Variants in KANK1 observed in about 807,000 individuals in gnomAD.
KANK1 encodes the protein KN motif and ankyrin repeat domains 1, also known as KN motif and ankyrin repeat domain-containing protein 1.
Under a neutral mutation model 106.2 loss-of-function variants are expected in KANK1, and 109 were observed. The observed-to-expected ratio is 1.03, with a 90% CI of 0.88 to 1.20. The LOEUF is 1.20. Ranked by LOEUF, KANK1 falls within the 50% of genes most tolerant of loss-of-function variation. The pLI, the probability that KANK1 is intolerant of heterozygous loss-of-function variation, is 0.00. For missense variants in KANK1, 2,399 were observed against 1,710.7 expected (o/e 1.40, Z -7.10); for synonymous variants, 873 against 652.2 (o/e 1.34, Z -5.16).
chr9:473,733 C>G (rs994314039), intron 3 of KANK1, among the ~76,000 whole-genome samples: 1 of 150,970 alleles, frequency 6.6e-6, no homozygotes, highest in African/African-American at 2.4e-5. Flanking sequence ...CAGAGTCTCT[C>G]TCTGTCACCA....
upstream of KANK1, among the ~76,000 whole-genome samples, chr9:504,353 C>A (rs2058628790): frequency 1.3e-5 from 2 of 151,528 alleles, no homozygotes; most frequent in African/African-American, 4.9e-5. Context: ...GCGGGCCAGG[C>A]GCGGCGACGA....
At chr9:518,812 C>T (rs2059415963) in intron 1 of KANK1, among the ~76,000 whole-genome samples, 1 of 151,620 alleles carries the variant, frequency 6.6e-6, no homozygotes, top group South Asian at 2.1e-4. Flanking sequence ...AGGGTAGAGG[C>T]AGGCTCAGGG....
chr9:692,645 T>C (rs1820255387), intron 2 of KANK1, among the ~76,000 whole-genome samples: 1 of 151,362 alleles, frequency 6.6e-6, no homozygotes, highest in African/African-American at 2.4e-5. Context: ...AACATACCCA[T>C]AACACTAAAA....
chr9:609,477 A>C (rs1054473972), intron 1 of KANK1, among the ~76,000 whole-genome samples: 4 of 152,010 alleles, frequency 2.6e-5, no homozygotes, highest in African/African-American at 7.3e-5. Flanking sequence ...AAAATACAAA[A>C]AATTAGCTGG....
intron 1 of KANK1, among the ~76,000 whole-genome samples, chr9:539,008 G>C (rs2060449535): frequency 6.6e-6 from 1 of 152,096 alleles, no homozygotes; most frequent in South Asian, 2.1e-4. Context: ...AGCCTCCCGA[G>C]TAGCTGGGAT....
intron 1 of KANK1, among the ~76,000 whole-genome samples, chr9:619,747 A>G (rs1832697214): frequency 1.3e-5 from 2 of 152,218 alleles, no homozygotes; most frequent in Non-Finnish European, 2.9e-5. Context: ...ATGTTGAAAC[A>G]TTAAAATATT....
At chr9:628,018 G>C (rs974962901) in intron 1 of KANK1, among the ~76,000 whole-genome samples, 1 of 152,078 alleles carries the variant, frequency 6.6e-6, no homozygotes, top group Non-Finnish European at 1.5e-5. Context: ...AGAATAACAA[G>C]TATAATTTTA....
At chr9:677,347 T>C (rs893814458) in intron 2 of KANK1, among the ~76,000 whole-genome samples, 1 of 152,190 alleles carries the variant, frequency 6.6e-6, no homozygotes. Context: ...GAGAGGAAAT[T>C]AGTTTGGATG....
intron 3 of KANK1, among the ~76,000 whole-genome samples, chr9:499,617 G>A (rs972001656): frequency 6.6e-6 from 1 of 152,142 alleles, no homozygotes; most frequent in Non-Finnish European, 1.5e-5. Context: ...CCAGGGAAGA[G>A]GACTCTGGAA....
chr9:591,565 T>C (rs1672064078), intron 1 of KANK1, among the ~76,000 whole-genome samples: 1 of 151,950 alleles, frequency 6.6e-6, no homozygotes, highest in East Asian at 1.9e-4. Flanking sequence ...TATGCCAACC[T>C]CCTTCCTGTC....
At chr9:596,863 A>T (rs1011188311) in intron 1 of KANK1, among the ~76,000 whole-genome samples, 5 of 151,868 alleles carry the variant, frequency 3.3e-5, no homozygotes, top group Admixed American at 1.3e-4. Context: ...TTGTCACTAC[A>T]AAAGAAAACC....
At position 712,017 on chromosome 9, in the gene KANK1, A is replaced by G; in HGVS notation, c.1251A>G (p.Arg417=). ...TGAACGACATCGTCGTGTACCACAG[A>G]GGCTCCAGGTCCTGTAAGGATGCAG... ...ENMNDIVVYH[R]GSRSCKDAAV... is the part of the protein sequence containing the mutation. The change falls in exon 3 of 12, where the codon AGA becomes AGG. Residue 417 remains arginine (R), a synonymous_variant. Coordinates refer to ENST00000382297, the MANE Select transcript of KANK1 (RefSeq NM_015158.5). The G allele has an allele frequency of 6.2e-7, 1 of 1,614,118 alleles. No individual in the cohort carries two copies. The highest frequency in any genetic ancestry group is 8.5e-7 in the Non-Finnish European group (1 of 1,180,030).
At position 515,270 on chromosome 9, in the gene KANK1, A is replaced by G. The variant is rs376780070; in HGVS notation, c.-84+10516A>G. ...TGAGGCAGGAGAATGGCGTGAACCC[A>G]GGAGGCGGAGCTTGCAGTGAGCCGA... On this transcript the variant is annotated intron_variant, in intron 1 of 11. Transcript: ENST00000382297. 3.9e-3 allele frequency among the ~76,000 whole-genome samples: 589 copies of G among 150,962 alleles called. 2 individuals are homozygous for G. The highest frequency in any genetic ancestry group is 5.9e-3 in the Non-Finnish European group (401 of 67,896).
rs2060746800 is a variant in KANK1, at chr9:543,613, T to TG, written c.-84+38860dup. On this transcript the variant is annotated intron_variant, in intron 1 of 11. Transcript: ENST00000382297. The stretch of plus-strand genomic sequence containing the variant: ...CCGCAAGCTTCAGAAGACACACTAC[T>TG]GCGTGTTTGTCCTTCTACGGAAGTC... Among the ~76,000 whole-genome samples the TG allele has an allele frequency of 2.0e-5, 3 of 151,566 alleles. No individual in the cohort carries two copies. In the South Asian group the frequency reaches 6.3e-4, roughly 32 times the overall value.
chr9:506,964 G>C (rs1401549729), intron 1 of KANK1, among the ~76,000 whole-genome samples: 2 of 152,136 alleles, frequency 1.3e-5, no homozygotes, highest in Non-Finnish European at 2.9e-5. Context: ...CTTTTTGTTG[G>C]ATAATGTGTG....
At position 712,892 on chromosome 9, in the gene KANK1, C is replaced by A; in HGVS notation, c.2126C>A (p.Thr709Asn). ...CLSTLDKQTS[T>N]QTVETRTVAV... ...AGCACTTTGGACAAGCAGACCAGCA[C>A]CCAGACTGTGGAGACGCGGACAGTA... The change falls in exon 3 of 12, where the codon ACC becomes AAC. Residue 709 changes from threonine to asparagine, a missense_variant. Transcript: ENST00000382297. 6.2e-7 allele frequency: 1 copy of A among 1,613,992 alleles called. No individual in the cohort carries two copies. The highest frequency in any genetic ancestry group is 8.5e-7 in the Non-Finnish European group (1 of 1,180,014).
intron 3 of KANK1, among the ~76,000 whole-genome samples, chr9:476,471 A>G (rs2058105294): frequency 6.6e-6 from 1 of 151,192 alleles, no homozygotes; most frequent in Non-Finnish European, 1.5e-5. Context: ...CAGTGGGCTG[A>G]GATCACGCCA....
At chr9:719,998 C>T (rs1828879859) in intron 3 of KANK1, among the ~76,000 whole-genome samples, 1 of 152,104 alleles carries the variant, frequency 6.6e-6, no homozygotes, top group South Asian at 2.1e-4. Flanking sequence ...TCTCATTTGC[C>T]TTAGAATTTA....
intron 1 of KANK1, among the ~76,000 whole-genome samples, chr9:658,978 A>AGGGT (rs1036633878): frequency 6.6e-6 from 1 of 152,134 alleles, no homozygotes; most frequent in Non-Finnish European, 1.5e-5. Context: ...GTCCTAAGGA[A>AGGGT]GGGTACCTCT....
Sources: gnomAD v4.1 joint callset for allele counts (sites outside exome capture counted in the v4.1 genomes callset) on GRCh38, gnomAD v4.1.1 for gene constraint, MANE v1.5 for transcripts, NCBI Gene and HGNC (gene_info 2026-07-23, HGNC 2026-07-21) for gene names.